GRIK2: variants seen among roughly 807,000 people sequenced by gnomAD.
The protein encoded by GRIK2 is glutamate ionotropic receptor kainate type subunit 2, also known as glutamate receptor ionotropic, kainate 2.
GRIK2 carries 32 observed loss-of-function variants against 100.3 expected under a neutral mutation model. The ratio of observed to expected loss-of-function variants is 0.32; its 90% CI spans 0.24 to 0.43. GRIK2 has a LOEUF of 0.43. GRIK2 is among the 20% of genes least tolerant of loss of function. The pLI is 1.00. For missense variants in GRIK2, 843 were observed against 1,114.9 expected, an observed-to-expected ratio of 0.76 and a Z score of 3.47; for synonymous variants, 417 against 389.4, an observed-to-expected ratio of 1.07 and a Z score of -0.83.
chr6:101,668,020 A>G (rs1421816217), intron 4 of GRIK2, among the ~76,000 whole-genome samples: 1 of 152,154 alleles, frequency 6.6e-6, no homozygotes, highest in Non-Finnish European at 1.5e-5. Flanking sequence ...TGGGTCTTCA[A>G]TTTACTAGGT....
At chr6:101,515,254 T>C (rs2128279562) in intron 2 of GRIK2, among the ~76,000 whole-genome samples, 1 of 152,224 alleles carries the variant, frequency 6.6e-6, no homozygotes, top group African/African-American at 2.4e-5. Flanking sequence ...CTGTATAGGA[T>C]TCCATCAAAT....
intron 2 of GRIK2, among the ~76,000 whole-genome samples, chr6:101,471,269 T>C (rs948239097): frequency 6.6e-6 from 1 of 151,994 alleles, no homozygotes; most frequent in African/African-American, 2.4e-5. Flanking sequence ...GATTAAACGA[T>C]CTCTCATATT....
At chr6:101,761,689 C>T (rs935659213) in intron 7 of GRIK2, among the ~76,000 whole-genome samples, 12 of 152,166 alleles carry the variant, frequency 7.9e-5, no homozygotes, top group Middle Eastern at 6.8e-3. Flanking sequence ...TTTCTGGTCA[C>T]GATTTTTCAA....
At chr6:101,615,767 A>G (rs557247488) in intron 2 of GRIK2, among the ~76,000 whole-genome samples, 8 of 151,874 alleles carry the variant, frequency 5.3e-5, no homozygotes, top group Non-Finnish European at 1.2e-4. Flanking sequence ...AATCATGTGA[A>G]CAATTATCCT....
At chr6:101,816,250 A>G (rs1781622982) in intron 9 of GRIK2, among the ~76,000 whole-genome samples, 1 of 152,224 alleles carries the variant, frequency 6.6e-6, no homozygotes, top group African/African-American at 2.4e-5. Context: ...ATTAAAAAAA[A>G]AAGTAAAATC....
intron 14 of GRIK2, among the ~76,000 whole-genome samples, chr6:101,962,116 C>G (rs1471863968): frequency 6.6e-6 from 1 of 152,084 alleles, no homozygotes; most frequent in South Asian, 2.1e-4. Flanking sequence ...GCATAAAGTA[C>G]CCCCATCTAC....
chr6:102,021,193 A>G (rs973730358), intron 14 of GRIK2, among the ~76,000 whole-genome samples: 15 of 151,922 alleles, frequency 9.9e-5, no homozygotes, highest in African/African-American at 3.4e-4. Context: ...TTCAAATACT[A>G]TTGTATTACA....
intron 16 of GRIK2, among the ~76,000 whole-genome samples, chr6:102,057,794 T>C (rs189090310): frequency 1.3e-5 from 2 of 151,968 alleles, no homozygotes; most frequent in Admixed American, 1.3e-4. Context: ...ACTCTCAATT[T>C]CCCAAGTTTA....
chr6:101,514,574 C>T lies in GRIK2; in HGVS notation c.116-107375C>T, dbSNP rs184396228. On this transcript the variant is annotated intron_variant, in intron 2 of 16. Transcript: ENST00000369134. ...GTAAAAAGCAAAATATCATATATTT[C>T]CTTATTTAAAAATTGAATATCCCAA... is the stretch of plus-strand genomic sequence containing the variant. 7.2e-4 allele frequency among the ~76,000 whole-genome samples: 109 copies of T among 152,044 alleles called. 2 individuals are homozygous for T. The Middle Eastern group carries it at 0.024, about 33-fold the overall frequency.
chr6:101,969,415 T>C (rs983692327), intron 14 of GRIK2, among the ~76,000 whole-genome samples: 13 of 152,040 alleles, frequency 8.6e-5, no homozygotes, highest in Non-Finnish European at 1.5e-4. Flanking sequence ...CTCAGTGGCT[T>C]ACTTTTAATT....
intron 14 of GRIK2, among the ~76,000 whole-genome samples, chr6:102,028,864 T>G (rs1175483383): frequency 1.3e-5 from 2 of 151,208 alleles, no homozygotes; most frequent in Non-Finnish European, 3.0e-5. Flanking sequence ...CTCTCAACTG[T>G]GTAGGAAAGA....
intron 14 of GRIK2, among the ~76,000 whole-genome samples, chr6:101,950,238 C>T (rs971468113): frequency 2.6e-5 from 4 of 151,808 alleles, no homozygotes; most frequent in African/African-American, 9.7e-5. Flanking sequence ...TCTAAAATCT[C>T]TTCTCCCTCT....
chr6:101,664,515 A>G lies in GRIK2; in HGVS notation c.542-12108A>G, dbSNP rs550173295. On this transcript the variant is annotated intron_variant, in intron 4 of 16. Transcript: ENST00000369134. The stretch of plus-strand genomic sequence containing the variant: ...GAAATATTCTGAAGAGAAAATTGAA[A>G]TTAGCATATACTGAGCTTAGACCCT... Among the ~76,000 whole-genome samples the G allele has an allele frequency of 4.9e-4, 75 of 152,256 alleles. 1 individual carries two copies. The highest frequency in any genetic ancestry group is 5.0e-4 in the Non-Finnish European group (34 of 68,036).
chr6:101,978,500 TCTTA>T (rs1364651549), intron 14 of GRIK2, among the ~76,000 whole-genome samples: 1 of 151,984 alleles, frequency 6.6e-6, no homozygotes, highest in Non-Finnish European at 1.5e-5. Flanking sequence ...GTACTATTCA[TCTTA>T]CTTTTTTCTC....
intron 12 of GRIK2, among the ~76,000 whole-genome samples, chr6:101,896,243 G>A (rs1358356266): frequency 6.6e-6 from 1 of 151,580 alleles, no homozygotes; most frequent in Non-Finnish European, 1.5e-5. Context: ...GATAAATATG[G>A]TATTGAGGTA....
chr6:101,901,018 T>C (rs1331851698), intron 12 of GRIK2, among the ~76,000 whole-genome samples: 1 of 152,104 alleles, frequency 6.6e-6, no homozygotes, highest in Non-Finnish European at 1.5e-5. Flanking sequence ...CTGGATTTAC[T>C]GCTATTAAAA....
Position 101,980,759 on chromosome 6 carries a change from A to T in GRIK2, c.2085+52127A>T, listed in dbSNP as rs537410188. Among the ~76,000 whole-genome samples, 62 of 151,994 alleles carry T rather than the reference A, an allele frequency of 4.1e-4. 2 individuals carry two copies. Among genetic ancestry groups the T allele is most frequent in the African/African-American group, 1.5e-3 (61 of 41,536 alleles). On this transcript the variant is annotated intron_variant, in intron 14 of 16. Coordinates refer to ENST00000369134, the MANE Select transcript of GRIK2 (RefSeq NM_021956.5). Reference sequence around the variant, plus strand: ...GGTTTTATGAAACAGTTATAATGCCACGTGGAGTCATTTAAAAGATTTGTA... The same window carrying T: ...GGTTTTATGAAACAGTTATAATGCCTCGTGGAGTCATTTAAAAGATTTGTA...
At chr6:101,427,989 C>T (rs752888082) in intron 2 of GRIK2, among the ~76,000 whole-genome samples, 3 of 152,254 alleles carry the variant, frequency 2.0e-5, no homozygotes, top group South Asian at 2.1e-4. Context: ...TGTATGTACT[C>T]GGAAAGTAGT....
intron 2 of GRIK2, among the ~76,000 whole-genome samples, chr6:101,584,508 T>C (rs1778258010): frequency 6.6e-6 from 1 of 152,024 alleles, no homozygotes; most frequent in African/African-American, 2.4e-5. Context: ...GTAGCAAAAC[T>C]AACATTTTTA....
Sources: gnomAD v4.1 joint callset for allele counts (sites outside exome capture counted in the v4.1 genomes callset) on GRCh38, gnomAD v4.1.1 for gene constraint, MANE v1.5 for transcripts, NCBI Gene and HGNC (gene_info 2026-07-23, HGNC 2026-07-21) for gene names.